CDKAL1: variants seen among roughly 807,000 people sequenced by gnomAD.
CDKAL1 encodes CDKAL1 threonylcarbamoyladenosine tRNA methylthiotransferase.
CDKAL1 carries 32 observed loss-of-function variants against 68.2 expected under a neutral mutation model. That is an observed-to-expected ratio of 0.47 (90% CI 0.35 to 0.63). The LOEUF (loss-of-function observed/expected upper bound fraction) is 0.63, where lower values mean the gene tolerates loss of function less well. Ranked by LOEUF, CDKAL1 falls within the 30% of genes least tolerant of loss-of-function variation. The pLI is 0.00. For synonymous variants in CDKAL1, 234 were observed against 244.3 expected, an observed-to-expected ratio of 0.96 and a Z score of 0.39; for missense variants, 606 against 696.7, an observed-to-expected ratio of 0.87 and a Z score of 1.47.
chr6:20,843,475 TTTGTAA>T (rs1012359110), intron 8 of CDKAL1, among the ~76,000 whole-genome samples: 75 of 152,098 alleles, frequency 4.9e-4, no homozygotes, highest in African/African-American at 1.8e-3. Context: ...TTCTTCAGTT[TTTGTAA>T]TATTTGCAGA....
intron 9 of CDKAL1, among the ~76,000 whole-genome samples, chr6:20,856,133 G>A (rs1415340723): frequency 2.6e-5 from 4 of 152,178 alleles, no homozygotes; most frequent in Non-Finnish European, 5.9e-5. Flanking sequence ...TCTGCTCAGA[G>A]GTGGAGAGAA....
intron 7 of CDKAL1, among the ~76,000 whole-genome samples, chr6:20,769,160 A>T (rs1359652893): frequency 1.3e-5 from 2 of 151,966 alleles, no homozygotes; most frequent in African/African-American, 4.8e-5. Context: ...CACACCCGGG[A>T]AAGTACATCA....
intron 15 of CDKAL1, among the ~76,000 whole-genome samples, chr6:21,230,468 GTTTC>G: frequency 6.6e-6 from 1 of 152,338 alleles, no homozygotes; most frequent in South Asian, 2.1e-4. Context: ...GGCCCATGGT[GTTTC>G]TTTGTCATTC....
chr6:20,999,834 T>C (rs1767338035), intron 10 of CDKAL1, among the ~76,000 whole-genome samples: 1 of 152,168 alleles, frequency 6.6e-6, no homozygotes, highest in African/African-American at 2.4e-5. Context: ...TTATGGGATC[T>C]CAAGTGTTTG....
At chr6:20,727,704 TTC>T (rs1315670968) in intron 5 of CDKAL1, among the ~76,000 whole-genome samples, 1 of 152,186 alleles carries the variant, frequency 6.6e-6, no homozygotes, top group Non-Finnish European at 1.5e-5. Flanking sequence ...GGAGATTTTT[TTC>T]TGTGTCTGCT....
chr6:21,192,902 A>G (rs1037321820), intron 13 of CDKAL1, among the ~76,000 whole-genome samples: 1 of 149,618 alleles, frequency 6.7e-6, no homozygotes, highest in Non-Finnish European at 1.5e-5. Flanking sequence ...GCAACCTTGA[A>G]CTCTTGGACT....
chr6:21,069,405 ATGATT>A (rs761029070), intron 12 of CDKAL1, among the ~76,000 whole-genome samples: 26 of 152,280 alleles, frequency 1.7e-4, no homozygotes, highest in Non-Finnish European at 3.8e-4. Context: ...TTGAAATAAT[ATGATT>A]TGTTTTTTGT....
intron 4 of CDKAL1, among the ~76,000 whole-genome samples, chr6:20,609,311 TCCCCCCTCC>T (rs1766493077): frequency 2.1e-5 from 3 of 144,994 alleles, no homozygotes; most frequent in Non-Finnish European, 4.5e-5. Context: ...CTCCTCCTCC[TCCCCCCTCC>T]TCTCTCCCTC....
intron 5 of CDKAL1, among the ~76,000 whole-genome samples, chr6:20,685,498 C>T (rs914779611): frequency 6.6e-6 from 1 of 152,098 alleles, no homozygotes; most frequent in Non-Finnish European, 1.5e-5. Flanking sequence ...TTTGCCTTGC[C>T]ATGTAAGCTT....
chr6:20,718,332 A>G (rs996320392), intron 5 of CDKAL1, among the ~76,000 whole-genome samples: 2 of 152,242 alleles, frequency 1.3e-5, no homozygotes, highest in Non-Finnish European at 2.9e-5. Flanking sequence ...GTACAAAAAG[A>G]GAAATCCTAT....
intron 12 of CDKAL1, among the ~76,000 whole-genome samples, chr6:21,082,877 T>TG (rs1772481607): frequency 6.7e-6 from 1 of 149,292 alleles, no homozygotes; most frequent in Admixed American, 6.7e-5. Context: ...TTCTTTTGTT[T>TG]TTTTTTTTTT....
chr6:20,850,426 C>T (rs1758945225), intron 9 of CDKAL1, among the ~76,000 whole-genome samples: 1 of 151,962 alleles, frequency 6.6e-6, no homozygotes, highest in African/African-American at 2.4e-5. Context: ...AAATTTTATT[C>T]CAAATAGCAT....
intron 7 of CDKAL1, among the ~76,000 whole-genome samples, 193 bp downstream of exon 7, chr6:20,758,836 G>C (rs558389319): frequency 6.6e-6 from 1 of 152,296 alleles, no homozygotes; most frequent in African/African-American, 2.4e-5. Flanking sequence ...ATATTTGTTT[G>C]GCTTATAAAT....
At chr6:21,095,405 T>C (rs1773265563) in intron 12 of CDKAL1, among the ~76,000 whole-genome samples, 1 of 152,240 alleles carries the variant, frequency 6.6e-6, no homozygotes, top group Non-Finnish European at 1.5e-5. Context: ...TTCCCACTTG[T>C]GTGAACATGG....
chr6:21,022,095 G>A (rs1768698768), intron 11 of CDKAL1, among the ~76,000 whole-genome samples: 1 of 152,204 alleles, frequency 6.6e-6, no homozygotes, highest in Non-Finnish European at 1.5e-5. Context: ...CTGGGCAGAA[G>A]GCTGACCCAC....
intron 9 of CDKAL1, among the ~76,000 whole-genome samples, chr6:20,872,363 T>C (rs1171141080): frequency 6.6e-6 from 1 of 152,152 alleles, no homozygotes; most frequent in Non-Finnish European, 1.5e-5. Context: ...CAGAACTAAG[T>C]AAACAACATC....
At position 21,204,350 on chromosome 6, in the gene CDKAL1, A is replaced by G. The variant is rs535305702; in HGVS notation, c.1548+3076A>G. Among the ~76,000 whole-genome samples the G allele has an allele frequency of 4.6e-5, 7 of 152,216 alleles. No homozygotes were observed. The South Asian group carries it at 8.3e-4, about 18-fold the overall frequency. ...GCCATCTGTGTTCTTATCTACCCCT[A>G]TTCCCCCAACCCTGATTATTTTGAA... On this transcript the variant is annotated intron_variant, in intron 15 of 15. Transcript: ENST00000274695.
Position 21,001,914 on chromosome 6 carries a change from T to A in CDKAL1, c.1055+1542T>A, listed in dbSNP as rs200064723. Among the ~76,000 whole-genome samples the A allele has an allele frequency of 4.6e-5, 7 of 152,180 alleles. No homozygotes were observed. The East Asian group carries it at 5.8e-4, about 13-fold the overall frequency. On this transcript the variant is annotated intron_variant, in intron 11 of 15. Coordinates refer to ENST00000274695, the MANE Select transcript of CDKAL1 (RefSeq NM_017774.3). ...ATATTTTCCCAAGTATAAACATGCATCCCGGGTGCAGAATAGACTAGAACA... is the reference window on the plus strand; with the variant it reads ...ATATTTTCCCAAGTATAAACATGCAACCCGGGTGCAGAATAGACTAGAACA...
Position 20,955,532 on chromosome 6 carries a change from G to A in CDKAL1, c.856G>A (p.Ala286Thr). Residue 286 changes from alanine (A) to threonine (T), a missense_variant, in exon 10 of 16, where the codon GCA becomes ACA. Coordinates refer to ENST00000274695, the MANE Select transcript of CDKAL1 (RefSeq NM_017774.3). ...ACTGGTTGAAGTGATTCCTGAGGGA[G>A]CAATGCTGAGGCTTGGCATGACAAA... ...WKLVEVIPEG[A>T]MLRLGMTNPP... is the part of the protein sequence containing the mutation. 6.2e-7 allele frequency: 1 copy of A among 1,614,156 alleles called. No individual in the cohort carries two copies. Among genetic ancestry groups the A allele is most frequent in the East Asian group, 2.2e-5 (1 of 44,890 alleles).
Sources: allele counts gnomAD v4.1 joint callset (sites outside exome capture counted in the v4.1 genomes callset), GRCh38; gene constraint gnomAD v4.1.1; transcripts MANE v1.5; gene names NCBI Gene and HGNC (gene_info 2026-07-23, HGNC 2026-07-21).